CHIC2: variants seen among roughly 807,000 people sequenced by gnomAD.
CHIC2 encodes cysteine rich hydrophobic domain 2.
CHIC2 carries 14 observed loss-of-function variants against 25.9 expected under a neutral mutation model. That is an observed-to-expected ratio of 0.54 (90% CI 0.36 to 0.85). The LOEUF (loss-of-function observed/expected upper bound fraction) is 0.85, where lower values mean the gene tolerates loss of function less well. Ranked by LOEUF, CHIC2 falls within the 40% of genes least tolerant of loss-of-function variation. The pLI, the probability that CHIC2 is intolerant of heterozygous loss-of-function variation, is 0.01. For missense variants in CHIC2, 146 were observed against 202.0 expected, an observed-to-expected ratio of 0.72 and a Z score of 1.68; for synonymous variants, 70 against 72.0, an observed-to-expected ratio of 0.97 and a Z score of 0.14.
At chr4:54,081,332 G>C in the CHIC2 span, among the ~76,000 whole-genome samples, 2 of 151,794 alleles carry the variant, frequency 1.3e-5, no homozygotes, top group African/African-American at 2.4e-5. Context: ...TCTATAAGAT[G>C]GGCATGATAC....
In CHIC2 at chr4:54,052,892, T is replaced by C. The variant is rs562615710; in HGVS notation, c.120-3587A>G. ...AAAATAACTTGAAATGTGGATTAAATTTATGCATAAACAAGTTCATTGAAT... is the reference window on the plus strand; with the variant it reads ...AAAATAACTTGAAATGTGGATTAAACTTATGCATAAACAAGTTCATTGAAT... On this transcript the variant is annotated intron_variant, in intron 1 of 5. Coordinates refer to ENST00000263921, the MANE Select transcript of CHIC2 (RefSeq NM_012110.4). Among the ~76,000 whole-genome samples the C allele has an allele frequency of 1.1e-4, 16 of 152,302 alleles. No individual in the cohort carries two copies. In the East Asian group the frequency reaches 2.7e-3, roughly 26 times the overall value.
chr4:54,020,285 T>A (rs1476578446), intron 3 of CHIC2, among the ~76,000 whole-genome samples: 3 of 152,262 alleles, frequency 2.0e-5, no homozygotes, highest in East Asian at 3.9e-4. Flanking sequence ...GTTCTTTGTA[T>A]TTCTCCCCAC....
chr4:54,065,034 T>C (rs969111947), upstream of CHIC2, among the ~76,000 whole-genome samples: 8 of 152,260 alleles, frequency 5.3e-5, no homozygotes, highest in African/African-American at 1.9e-4. Context: ...TGCCAGTTTA[T>C]CTAATAATCG....
chr4:54,022,562 T>C (rs1382765224), intron 3 of CHIC2, among the ~76,000 whole-genome samples: 1 of 152,076 alleles, frequency 6.6e-6, no homozygotes. Flanking sequence ...GCTCCCTTAT[T>C]AGATCAAGAC....
At chr4:54,088,075 C>G in the CHIC2 span, among the ~76,000 whole-genome samples, 1 of 152,096 alleles carries the variant, frequency 6.6e-6, no homozygotes, top group African/African-American at 2.4e-5. Context: ...GGTTCTACCC[C>G]TTTGACACTA....
chr4:54,021,131 C>A (rs1015465221), intron 3 of CHIC2, among the ~76,000 whole-genome samples: 1 of 152,186 alleles, frequency 6.6e-6, no homozygotes, highest in Non-Finnish European at 1.5e-5. Context: ...TCAACTCACA[C>A]CTGACCTAAA....
chr4:54,085,614 T>A, the CHIC2 span, among the ~76,000 whole-genome samples: 1 of 152,194 alleles, frequency 6.6e-6, no homozygotes, highest in Non-Finnish European at 1.5e-5. Context: ...TATCTCTTGT[T>A]TTCAACCCTG....
chr4:54,022,221 C>G (rs764572390), intron 3 of CHIC2, among the ~76,000 whole-genome samples: 5 of 152,170 alleles, frequency 3.3e-5, no homozygotes, highest in Non-Finnish European at 5.9e-5. Context: ...CCCTGGAACT[C>G]TGGCCCAAGG....
intron 5 of CHIC2, among the ~76,000 whole-genome samples, chr4:54,012,195 T>C (rs78557329): frequency 0.022 from 3,400 of 152,088 alleles, 60 homozygotes; most frequent in Non-Finnish European, 0.038. Context: ...CAAGTGATCC[T>C]GCTGCCTCAG....
chr4:54,081,182 G>T, the CHIC2 span, among the ~76,000 whole-genome samples: 1 of 151,426 alleles, frequency 6.6e-6, no homozygotes, highest in Admixed American at 6.6e-5. Flanking sequence ...CAGAGACAGG[G>T]TCTCACTATG....
intron 3 of CHIC2, among the ~76,000 whole-genome samples, chr4:54,041,832 G>A (rs1716587554): frequency 6.6e-6 from 1 of 152,004 alleles, no homozygotes. Flanking sequence ...CTGCTCTAGA[G>A]GGGAACATCA....
chr4:54,027,125 T>C (rs1716085583), intron 3 of CHIC2, among the ~76,000 whole-genome samples: 2 of 152,178 alleles, frequency 1.3e-5, no homozygotes, highest in Admixed American at 6.5e-5. Flanking sequence ...CTGGAATCTA[T>C]TTTAAAAAAC....
upstream of CHIC2, chr4:54,064,817 C>G (rs147500516): frequency 2.2e-3 from 574 of 255,530 alleles, 29 homozygotes; most frequent in East Asian, 0.087. This position sits in a 1 kb window ranked among gnomAD's most constrained non-coding sequence, Gnocchi z 4.2. Flanking sequence ...GGCGCGCGCT[C>G]CCGCCGGCGG....
At chr4:54,088,783 G>T in the CHIC2 span, among the ~76,000 whole-genome samples, 5 of 152,324 alleles carry the variant, frequency 3.3e-5, no homozygotes, top group South Asian at 4.1e-4. Flanking sequence ...GCTTGGACCC[G>T]TGCGATAGTA....
At chr4:54,070,418 G>GTATTTATT in the CHIC2 span, among the ~76,000 whole-genome samples, 3 of 119,068 alleles carry the variant, frequency 2.5e-5, no homozygotes, top group African/African-American at 5.4e-5. Flanking sequence ...ATGTATTTAT[G>GTATTTATT]TATTTATTTA....
chr4:54,049,292 T>A lies in CHIC2; in HGVS notation c.133A>T (p.Asn45Tyr). The A allele has an allele frequency of 6.3e-7, 1 of 1,598,502 alleles. No individual in the cohort carries two copies. Among genetic ancestry groups the A allele is most frequent in the Non-Finnish European group, 8.6e-7 (1 of 1,168,616 alleles). The stretch of plus-strand genomic sequence containing the variant: ...GAAGGGAATTCAGATTCAAATTTGT[T>A]GCTCAGTCCAAATCTATTTTAAAAA... ...SGHVTVFGLS[N>Y]KFESEFPSSL... The change falls in exon 2 of 6, where the codon AAC becomes TAC. Residue 45 changes from asparagine (N) to tyrosine (Y), a missense_variant. Coordinates refer to ENST00000263921, the MANE Select transcript of CHIC2 (RefSeq NM_012110.4).
At chr4:54,055,534 T>C (rs1202716111) in intron 1 of CHIC2, among the ~76,000 whole-genome samples, 1 of 152,018 alleles carries the variant, frequency 6.6e-6, no homozygotes, top group Non-Finnish European at 1.5e-5. Flanking sequence ...CCATTTTGGA[T>C]ATTCTGGATT....
At chr4:54,087,025 G>GGGCCC in the CHIC2 span, 2 of 1,116,072 alleles carry the variant, frequency 1.8e-6, no homozygotes, top group African/African-American at 3.1e-5. Flanking sequence ...GAGATGAGAG[G>GGGCCC]GGCCTCCTCA....
At chr4:54,048,749 T>C in intron 3 of CHIC2, 2 of 403,918 alleles carry the variant, frequency 5.0e-6, no homozygotes, top group Non-Finnish European at 4.3e-6. Context: ...GCTTCTAAAA[T>C]TATAAATATA....
Sources: allele counts gnomAD v4.1 joint callset (sites outside exome capture counted in the v4.1 genomes callset), GRCh38; gene constraint gnomAD v4.1.1; non-coding constraint Gnocchi (gnomAD v3.1); transcripts MANE v1.5; gene names NCBI Gene and HGNC (gene_info 2026-07-23, HGNC 2026-07-21).